Variants in PRAP1 observed in about 807,000 individuals in gnomAD.
The protein encoded by PRAP1 is proline-rich acidic protein 1.
A neutral mutation model predicts 14.6 loss-of-function variants in PRAP1; 12 were observed. The ratio of observed to expected loss-of-function variants is 0.82; its 90% confidence interval spans 0.53 to 1.33. PRAP1 has a LOEUF of 1.33. Among genes scored for constraint, PRAP1 ranks in the 40% most tolerant of loss-of-function variants. PRAP1 has a pLI of 0.00. For missense variants in PRAP1, 160 were observed against 193.7 expected (o/e 0.83, Z 1.03); for synonymous variants, 81 against 80.3 (o/e 1.01, Z -0.04).
Position 133,351,486 on chromosome 10 carries a change from C to T in PRAP1, c.128+53C>T, listed in dbSNP as rs1848678119. 10 of 1,389,050 alleles carry T rather than the reference C, an allele frequency of 7.2e-6. No homozygotes were observed. The highest frequency in any genetic ancestry group is 7.2e-5 in the East Asian group (3 of 41,676). 86.0% of individuals were successfully genotyped at this position (1,389,050 alleles called of 1,614,324 possible). On this transcript the variant is annotated intron_variant, in intron 3 of 4. Coordinates refer to ENST00000433452, the MANE Select transcript of PRAP1 (RefSeq NM_145202.5). The surrounding 1 kb of genome is among the most constrained non-coding windows in gnomAD (Gnocchi z 4.3). ...CCACCCATTCCCTGAAGCTACAGCC[C>T]GTTCTGCTGGGCCCTTCCTGAACCT...
At chr10:133,348,331 G>A (rs1848617188) in intron 1 of PRAP1, among the ~76,000 whole-genome samples, 1 of 152,164 alleles carries the variant, frequency 6.6e-6, no homozygotes, top group Non-Finnish European at 1.5e-5. Context: ...CCGGCCCCGG[G>A]CTGTCCGGGG....
rs768494179 is a variant in PRAP1 at position 133,352,366 on chromosome 10, T to C, written c.382T>C (p.Leu128=). 1.2e-6 allele frequency: 2 copies of C among 1,612,766 alleles called. No homozygotes were observed. Reference sequence around the variant, plus strand: ...GGACCAGGGCGAGGAGAGGCCCCGGTTGTGGGTGATGCCAAATCACCAGGT... The same window carrying C: ...GGACCAGGGCGAGGAGAGGCCCCGGCTGTGGGTGATGCCAAATCACCAGGT... The part of the protein sequence containing the change: ...EEDQGEERPR[L]WVMPNHQVLL... The change falls in exon 5 of 5, where the codon TTG becomes CTG. Residue 128 remains leucine (L), a synonymous_variant. Transcript: ENST00000433452.
At chr10:133,352,222 T>TA in intron 4 of PRAP1, 25 bp from the exon 5 acceptor site, 1 of 1,611,838 alleles carries the variant, frequency 6.2e-7, no homozygotes, top group East Asian at 2.2e-5. Flanking sequence ...AAACTGAGAC[T>TA]ATACCTTCAT....
rs944953894 is a variant in PRAP1 at position 133,351,519 on chromosome 10, A to C, written c.128+86A>C. On this transcript the variant is annotated intron_variant, in intron 3 of 4. Coordinates refer to ENST00000433452, the MANE Select transcript of PRAP1 (RefSeq NM_145202.5). This position sits in a 1 kb window ranked among gnomAD's most constrained non-coding sequence, Gnocchi z 4.3. ...TGGGCCCTTCCTGAACCTGGAGAGCACGGGGCAGATGCAGAGAGGAGCCCT... is the reference window on the plus strand; with the variant it reads ...TGGGCCCTTCCTGAACCTGGAGAGCCCGGGGCAGATGCAGAGAGGAGCCCT... 6.3e-5 allele frequency: 69 copies of C among 1,091,874 alleles called. No homozygotes were observed. The highest frequency in any genetic ancestry group is 9.1e-5 in the Non-Finnish European group (67 of 739,468). The allele number at this position is 1,091,874 out of a possible 1,614,324, so 67.6% of individuals were successfully genotyped here.
chr10:133,351,337 C>T lies in PRAP1; in HGVS notation c.76-44C>T. The T allele has an allele frequency of 6.4e-7, 1 of 1,565,456 alleles. No individual in the cohort carries two copies. Among genetic ancestry groups the T allele is most frequent in the Non-Finnish European group, 8.7e-7 (1 of 1,144,052 alleles). On this transcript the variant is annotated intron_variant, in intron 2 of 4. Transcript: ENST00000433452. The surrounding 1 kb of genome is among the most constrained non-coding windows in gnomAD (Gnocchi z 4.3). ...CAACCTCTCCCCAGGTGTCCTCCAC[C>T]CGCGTGGACTGTGGCCCAGCCCACA... is the stretch of plus-strand genomic sequence containing the variant.
At chr10:133,348,681 T>A (rs932757917) in intron 1 of PRAP1, among the ~76,000 whole-genome samples, 3 of 2,254 alleles carry the variant, frequency 1.3e-3, no homozygotes, top group African/African-American at 1.5e-3. Flanking sequence ...GCCTGGCTAA[T>A]TTTTTTTTTT....
chr10:133,350,306 CTT>C, intron 2 of PRAP1, 145 bp downstream of exon 2: 1 of 699,998 alleles, frequency 1.4e-6, no homozygotes, highest in Non-Finnish European at 2.4e-6. Flanking sequence ...GCTCATGACT[CTT>C]GATGCCTGTG....
At position 133,351,927 on chromosome 10, in the gene PRAP1, G is replaced by A; in HGVS notation, c.129-80G>A. 2.6e-6 allele frequency: 4 copies of A among 1,544,502 alleles called. No homozygotes were observed. Among genetic ancestry groups the A allele is most frequent in the Non-Finnish European group, 3.5e-6 (4 of 1,147,988 alleles). ...GTGGTGGGGCTGGAGTGGCTGCCCT[G>A]GGATGGTGGGCACCCTCCTGCGGGG... is the stretch of plus-strand genomic sequence containing the variant. On this transcript the variant is annotated intron_variant, in intron 3 of 4. Transcript: ENST00000433452. This position sits in a 1 kb window ranked among gnomAD's most constrained non-coding sequence, Gnocchi z 4.3.
chr10:133,348,084 G>A (rs1017026634), intron 1 of PRAP1, among the ~76,000 whole-genome samples: 4 of 152,162 alleles, frequency 2.6e-5, no homozygotes, highest in South Asian at 2.1e-4. Context: ...GGGGACCCAC[G>A]GGGATCCCAC....
intron 1 of PRAP1, among the ~76,000 whole-genome samples, chr10:133,348,253 G>T (rs555219489): frequency 6.6e-6 from 1 of 152,274 alleles, no homozygotes; most frequent in Non-Finnish European, 1.5e-5. Flanking sequence ...AAGAGCCCCT[G>T]CCCAGCATCA....
At chr10:133,349,999 C>A (rs966455061) in intron 1 of PRAP1, 96 bp from the exon 2 acceptor site, 1 of 1,101,246 alleles carries the variant, frequency 9.1e-7, no homozygotes, top group Non-Finnish European at 1.3e-6. Context: ...AAGGAGGAAC[C>A]CAGCCCAGGC....
At position 133,347,433 on chromosome 10, in the gene PRAP1, C is replaced by T; in HGVS notation, c.8+8C>T. 1.9e-6 allele frequency: 3 copies of T among 1,611,616 alleles called. No individual in the cohort carries two copies. Among genetic ancestry groups the T allele is most frequent in the South Asian group, 1.1e-5 (1 of 90,798 alleles). ...GACCCCAGACATGAGGAGGTAATGC[C>T]ACCATCCCTGAGCCCCAATCCCCAC... is the stretch of plus-strand genomic sequence containing the variant. On this transcript the variant is annotated splice_region_variant and intron_variant, in intron 1 of 4. Transcript: ENST00000433452. The surrounding 1 kb of genome is among the most constrained non-coding windows in gnomAD (Gnocchi z 5.0).
Position 133,351,646 on chromosome 10 carries a change from C to T in PRAP1, c.128+213C>T, listed in dbSNP as rs1848680760. Among the ~76,000 whole-genome samples, 1 of 152,236 alleles carries T rather than the reference C, an allele frequency of 6.6e-6. No homozygotes were observed. Among genetic ancestry groups the T allele is most frequent in the African/African-American group, 2.4e-5 (1 of 41,466 alleles). On this transcript the variant is annotated intron_variant, in intron 3 of 4. Coordinates refer to ENST00000433452, the MANE Select transcript of PRAP1 (RefSeq NM_145202.5). This position sits in a 1 kb window ranked among gnomAD's most constrained non-coding sequence, Gnocchi z 4.3. ...GAGCACAGCCGGAGGGCTTGGGGCT[C>T]CACGGTGTCTCCCTACTCAGCTTCC...
intron 1 of PRAP1, 118 bp from the exon 2 acceptor site, chr10:133,349,977 A>T: frequency 1.2e-6 from 1 of 813,756 alleles, no homozygotes; most frequent in Non-Finnish European, 2.0e-6. Flanking sequence ...CAGTAAAACT[A>T]CCTGCGCTCC....
At position 133,351,917 on chromosome 10, in the gene PRAP1, T is replaced by G; in HGVS notation, c.129-90T>G. The G allele has an allele frequency of 6.6e-7, 1 of 1,506,824 alleles. No individual in the cohort carries two copies. The highest frequency in any genetic ancestry group is 1.9e-5 in the Admixed American group (1 of 51,838). 93.3% of individuals were successfully genotyped at this position (1,506,824 alleles called of 1,614,324 possible). On this transcript the variant is annotated intron_variant, in intron 3 of 4. Transcript: ENST00000433452. The surrounding 1 kb of genome is among the most constrained non-coding windows in gnomAD (Gnocchi z 4.3). ...GGGGCTGCTGGTGGTGGGGCTGGAG[T>G]GGCTGCCCTGGGATGGTGGGCACCC...
At chr10:133,349,671 G>A (rs970301789) in intron 1 of PRAP1, among the ~76,000 whole-genome samples, 3 of 152,248 alleles carry the variant, frequency 2.0e-5, no homozygotes, top group African/African-American at 7.2e-5. Flanking sequence ...GCAGCCTCAG[G>A]GCTCTGTGGG....
At position 133,352,139 on chromosome 10, in the gene PRAP1, A is replaced by G. The variant is rs1236261159; in HGVS notation, c.261A>G (p.Pro87=). 3.1e-6 allele frequency: 5 copies of G among 1,612,946 alleles called. No homozygotes were observed. Among genetic ancestry groups the G allele is most frequent in the Non-Finnish European group, 3.4e-6 (4 of 1,179,898 alleles). Residue 87 remains proline, a splice_region_variant and synonymous_variant, in exon 4 of 5, where the codon CCA becomes CCG. Coordinates refer to ENST00000433452, the MANE Select transcript of PRAP1 (RefSeq NM_145202.5). ...GTCAGGGCAGGGGCCCCATCCTTCC[A>G]GGTGGGCACAAGGTCACAGCAGCAG... ...PRGQGRGPIL[P]GTKAWMETED...
chr10:133,351,481 C>T lies in PRAP1; in HGVS notation c.128+48C>T. ...CCCCACCACCCATTCCCTGAAGCTA[C>T]AGCCCGTTCTGCTGGGCCCTTCCTG... is the stretch of plus-strand genomic sequence containing the variant. On this transcript the variant is annotated intron_variant, in intron 3 of 4. Transcript: ENST00000433452. The surrounding 1 kb of genome is among the most constrained non-coding windows in gnomAD (Gnocchi z 4.3). The T allele has an allele frequency of 2.1e-6, 3 of 1,422,572 alleles. No homozygotes were observed. Among genetic ancestry groups the T allele is most frequent in the South Asian group, 2.5e-5 (2 of 81,396 alleles). The allele number at this position is 1,422,572 out of a possible 1,614,324, so 88.1% of individuals were successfully genotyped here. A position where few individuals can be genotyped will look rare whatever the true frequency, so the allele number is the denominator to read the frequency against.
At position 133,351,764 on chromosome 10, in the gene PRAP1, T is replaced by C. The variant is rs1018566144; in HGVS notation, c.129-243T>C. The stretch of plus-strand genomic sequence containing the variant: ...CCTGAGGTTCCCCACATCCTTGCCC[T>C]TGGGACACTGCTCAACCAAGGCTCT... On this transcript the variant is annotated intron_variant, in intron 3 of 4. Coordinates refer to ENST00000433452, the MANE Select transcript of PRAP1 (RefSeq NM_145202.5). The surrounding 1 kb of genome is among the most constrained non-coding windows in gnomAD (Gnocchi z 4.3). Among the ~76,000 whole-genome samples, 1 of 152,120 alleles carries C rather than the reference T, an allele frequency of 6.6e-6. No individual in the cohort carries two copies.
Sources: gnomAD v4.1 joint callset for allele counts (sites outside exome capture counted in the v4.1 genomes callset) on GRCh38, gnomAD v4.1.1 for gene constraint, Gnocchi (gnomAD v3.1) non-coding constraint, MANE v1.5 for transcripts, NCBI Gene and HGNC (gene_info 2026-07-23, HGNC 2026-07-21) for gene names.